NGEF: variants seen among roughly 807,000 people sequenced by gnomAD.
NGEF encodes ephexin-1.
A neutral mutation model predicts 80.9 loss-of-function variants in NGEF; 31 were observed. That is an observed-to-expected ratio of 0.38 (90% confidence interval 0.29 to 0.52). The LOEUF is 0.52. NGEF is among the 20% of genes least tolerant of loss of function. The pLI is 0.84. For missense variants in NGEF, 709 were observed against 926.2 expected, an observed-to-expected ratio of 0.77 and a Z score of 3.04; for synonymous variants, 371 against 370.2, an observed-to-expected ratio of 1.00 and a Z score of -0.03.
chr2:232,949,288 T>C (rs1693627297), intron 3 of NGEF, among the ~76,000 whole-genome samples: 1 of 152,178 alleles, frequency 6.6e-6, no homozygotes, highest in South Asian at 2.1e-4. Flanking sequence ...TCTGTAAACA[T>C]TTGTCATCTG....
chr2:232,979,249 G>C (rs993505746), intron 1 of NGEF, among the ~76,000 whole-genome samples: 1 of 151,920 alleles, frequency 6.6e-6, no homozygotes, highest in Admixed American at 6.6e-5. Flanking sequence ...TCCTTAGAGG[G>C]ATGTTCATGG....
intron 1 of NGEF, among the ~76,000 whole-genome samples, chr2:232,991,045 T>C (rs973923446): frequency 6.6e-6 from 1 of 152,032 alleles, no homozygotes; most frequent in African/African-American, 2.4e-5. Context: ...CCCTTCATAA[T>C]AAAAACATTC....
intron 3 of NGEF, among the ~76,000 whole-genome samples, chr2:232,942,121 G>A (rs1488022841): frequency 6.6e-6 from 1 of 152,208 alleles, no homozygotes; most frequent in African/African-American, 2.4e-5. Context: ...CTGCATGGCT[G>A]CATCCCACCT....
In NGEF at chr2:232,930,686, TCCACCCTCA is replaced by T. The variant is rs557157584; in HGVS notation, c.384-3509_384-3501del. Among the ~76,000 whole-genome samples, 291 of 152,098 alleles carry T rather than the reference TCCACCCTCA, an allele frequency of 1.9e-3. 2 individuals are homozygous for T. The highest frequency in any genetic ancestry group is 3.2e-3 in the Non-Finnish European group (220 of 67,976). On this transcript the variant is annotated intron_variant, in intron 3 of 14. Transcript: ENST00000264051. ...GGGTACTAATCCCATTCATGAGGGA[TCCACCCTCA>T]TGGCCTTGCCACCTCTCAAAGGCCC...
At chr2:232,889,450 C>T (rs1262378029) in intron 8 of NGEF, among the ~76,000 whole-genome samples, 1 of 152,196 alleles carries the variant, frequency 6.6e-6, no homozygotes. Context: ...CCCACCCCAG[C>T]TGTCCCCATT....
intron 1 of NGEF, among the ~76,000 whole-genome samples, chr2:233,010,564 T>G (rs1287379324): frequency 6.7e-6 from 1 of 150,288 alleles, no homozygotes; most frequent in African/African-American, 2.5e-5. Context: ...TCCTCCTCAT[T>G]TGAACGTGTG....
chr2:233,000,679 G>A (rs757406347), intron 1 of NGEF, among the ~76,000 whole-genome samples: 9 of 151,472 alleles, frequency 5.9e-5, no homozygotes, highest in Non-Finnish European at 1.0e-4. Flanking sequence ...AGAATGGCGT[G>A]AACCTGGGAG....
intron 1 of NGEF, among the ~76,000 whole-genome samples, chr2:232,993,137 T>TTA (rs1292981927): frequency 0.027 from 865 of 32,166 alleles, 40 homozygotes; most frequent in African/African-American, 0.13. Flanking sequence ...ATATATTTAT[T>TTA]TATATATATA....
intron 1 of NGEF, among the ~76,000 whole-genome samples, chr2:232,999,898 C>A (rs906531580): frequency 2.0e-5 from 3 of 152,192 alleles, no homozygotes; most frequent in Admixed American, 1.3e-4. Flanking sequence ...AACCCATAGT[C>A]AGGGAGATTT....
In NGEF at chr2:233,000,626, G is replaced by A. The variant is rs928117072; in HGVS notation, c.-75+12442C>T. On this transcript the variant is annotated intron_variant, in intron 1 of 14. Coordinates refer to ENST00000264051, the MANE Select transcript of NGEF (RefSeq NM_019850.3). Reference sequence around the variant, plus strand: ...ATACAAAAAATTAGCCGGGCGTGGTGGCGGGCGCCTGTAGTCCCAGCTACT... The same window carrying A: ...ATACAAAAAATTAGCCGGGCGTGGTAGCGGGCGCCTGTAGTCCCAGCTACT... Among the ~76,000 whole-genome samples, 5 of 152,208 alleles carry A rather than the reference G, an allele frequency of 3.3e-5. No homozygotes were observed. In the East Asian group the frequency reaches 7.8e-4, roughly 24 times the overall value.
At chr2:232,973,426 G>A (rs1048683606) in intron 2 of NGEF, among the ~76,000 whole-genome samples, 2 of 152,214 alleles carry the variant, frequency 1.3e-5, no homozygotes, top group African/African-American at 4.8e-5. Context: ...CCGTGGAGTG[G>A]TGAAGTCAAT....
At chr2:232,918,558 C>G (rs778359) in intron 5 of NGEF, among the ~76,000 whole-genome samples, 127,657 of 151,898 alleles carry the variant, frequency 0.84, 53,925 homozygotes, top group African/African-American at 0.91. Flanking sequence ...CCCTTTCTCT[C>G]CTTTTAGCTT....
chr2:232,914,524 G>A (rs1332253688), intron 5 of NGEF, among the ~76,000 whole-genome samples: 3 of 151,920 alleles, frequency 2.0e-5, no homozygotes, highest in Non-Finnish European at 4.4e-5. Flanking sequence ...CCATCATGGT[G>A]AAACCCTATC....
Position 232,997,772 on chromosome 2 carries a change from G to A in NGEF, c.-75+15296C>T, listed in dbSNP as rs953697501. On this transcript the variant is annotated intron_variant, in intron 1 of 14. Coordinates refer to ENST00000264051, the MANE Select transcript of NGEF (RefSeq NM_019850.3). Reference sequence around the variant, plus strand: ...CACCCTCTGTCCTTTTCCTCTGTTGGAATCTCTCCTGCTCGGGGGTGTTAG... The same window carrying A: ...CACCCTCTGTCCTTTTCCTCTGTTGAAATCTCTCCTGCTCGGGGGTGTTAG... 4.6e-5 allele frequency among the ~76,000 whole-genome samples: 7 copies of A among 152,222 alleles called. No individual in the cohort carries two copies. In the South Asian group the frequency reaches 1.5e-3, roughly 32 times the overall value.
chr2:232,964,675 G>T (rs951466250), intron 3 of NGEF, among the ~76,000 whole-genome samples: 2 of 152,184 alleles, frequency 1.3e-5, no homozygotes, highest in Admixed American at 1.3e-4. Flanking sequence ...GTGAAAGAGT[G>T]AGACTCTGTC....
At chr2:232,915,656 C>A (rs1692785534) in intron 5 of NGEF, among the ~76,000 whole-genome samples, 1 of 152,132 alleles carries the variant, frequency 6.6e-6, no homozygotes, top group Non-Finnish European at 1.5e-5. Flanking sequence ...GTGCGCATGG[C>A]AACGTCTCCT....
At chr2:232,963,464 A>G (rs1287714472) in intron 3 of NGEF, among the ~76,000 whole-genome samples, 3 of 151,962 alleles carry the variant, frequency 2.0e-5, no homozygotes, top group Non-Finnish European at 4.4e-5. Flanking sequence ...AGGACAAACA[A>G]TAAAAAAATT....
At chr2:232,954,382 G>A (rs977671173) in intron 3 of NGEF, among the ~76,000 whole-genome samples, 25 of 152,122 alleles carry the variant, frequency 1.6e-4, no homozygotes, top group African/African-American at 5.3e-4. Flanking sequence ...GCCAGAAAAT[G>A]ACATTTTAAT....
At chr2:232,884,185 T>C in intron 10 of NGEF, 41 bp from the exon 11 acceptor site, 1 of 1,530,258 alleles carries the variant, frequency 6.5e-7, no homozygotes, top group Non-Finnish European at 8.8e-7. Context: ...GTGCCCACAA[T>C]GTCCCTCCCC....
Sources: gnomAD v4.1 joint callset for allele counts (sites outside exome capture counted in the v4.1 genomes callset) on GRCh38, gnomAD v4.1.1 for gene constraint, MANE v1.5 for transcripts, NCBI Gene and HGNC (gene_info 2026-07-23, HGNC 2026-07-21) for gene names.